Variants in TMEM132D observed in about 807,000 individuals in gnomAD.
TMEM132D encodes the protein transmembrane protein 132D.
TMEM132D carries 21 observed loss-of-function variants against 62.3 expected under a neutral mutation model. That is an observed-to-expected ratio of 0.34 (90% CI 0.24 to 0.49). The LOEUF is 0.49. TMEM132D is among the 20% of genes least tolerant of loss of function. TMEM132D has a pLI of 0.99. For synonymous variants in TMEM132D, 621 were observed against 575.6 expected, an observed-to-expected ratio of 1.08 and a Z score of -1.13; for missense variants, 1,346 against 1,402.8, an observed-to-expected ratio of 0.96 and a Z score of 0.65.
intron 1 of TMEM132D, among the ~76,000 whole-genome samples, chr12:129,832,018 T>C (rs71466416): frequency 0.18 from 24,701 of 140,368 alleles, 2,307 homozygotes; most frequent in South Asian, 0.29. Flanking sequence ...GACAGGCACC[T>C]GCCACCATGC....
chr12:129,846,790 A>AT (rs1183635783), intron 1 of TMEM132D, among the ~76,000 whole-genome samples: 1 of 152,172 alleles, frequency 6.6e-6, no homozygotes, highest in Non-Finnish European at 1.5e-5. Context: ...CAGTTCTAGA[A>AT]TTTTTATTTG....
intron 1 of TMEM132D, among the ~76,000 whole-genome samples, chr12:129,803,017 A>T (rs1025679689): frequency 1.3e-5 from 2 of 151,042 alleles, no homozygotes; most frequent in African/African-American, 4.9e-5. Flanking sequence ...CACCCAATAC[A>T]GGAGCACCCA....
At chr12:129,703,974 T>G (rs1416222112) in intron 1 of TMEM132D, among the ~76,000 whole-genome samples, 1 of 149,860 alleles carries the variant, frequency 6.7e-6, no homozygotes, top group African/African-American at 2.4e-5. Context: ...ACAATCTGCA[T>G]GCCATAGACT....
chr12:129,654,108 T>C (rs188813193), intron 2 of TMEM132D, among the ~76,000 whole-genome samples: 193 of 152,334 alleles, frequency 1.3e-3, no homozygotes, highest in African/African-American at 4.3e-3. Flanking sequence ...ACTGAGGTTA[T>C]TCATCTTTGG....
chr12:129,337,959 G>A (rs1301699782), intron 3 of TMEM132D, 142 bp from the exon 4 acceptor site: 1 of 832,312 alleles, frequency 1.2e-6, no homozygotes, highest in African/African-American at 1.7e-5. Flanking sequence ...AGAGCATTCA[G>A]AGATGCCATT....
rs1194106596 is a variant in TMEM132D at position 129,394,620 on chromosome 12, T to A, written c.1116-56803A>T. Among the ~76,000 whole-genome samples the A allele has an allele frequency of 4.6e-5, 7 of 152,300 alleles. No homozygotes were observed. In the East Asian group the frequency reaches 5.8e-4, roughly 13 times the overall value. The stretch of plus-strand genomic sequence containing the variant: ...GTGAGGAGGACTGTGAGAAGCAGGG[T>A]CTAGCCGCGTAGACGCTGGGTGGCG... On this transcript the variant is annotated intron_variant, in intron 3 of 8. Coordinates refer to ENST00000422113, the MANE Select transcript of TMEM132D (RefSeq NM_133448.3).
intron 1 of TMEM132D, among the ~76,000 whole-genome samples, chr12:129,824,554 C>T (rs911983813): frequency 2.0e-5 from 3 of 152,136 alleles, no homozygotes; most frequent in South Asian, 4.1e-4. Flanking sequence ...TGGGGGCCCC[C>T]GGGATGGGAC....
intron 2 of TMEM132D, among the ~76,000 whole-genome samples, chr12:129,652,653 T>C (rs1879961029): frequency 6.6e-6 from 1 of 152,200 alleles, no homozygotes; most frequent in Admixed American, 6.5e-5. Context: ...GTGGCAAGAA[T>C]GCAAACTCTT....
intron 1 of TMEM132D, among the ~76,000 whole-genome samples, chr12:129,822,269 G>A (rs1872558914): frequency 6.6e-6 from 1 of 152,116 alleles, no homozygotes; most frequent in African/African-American, 2.4e-5. Context: ...GGGTCCTGAA[G>A]ACCACCCTCA....
intron 2 of TMEM132D, among the ~76,000 whole-genome samples, chr12:129,665,357 T>C (rs1353549863): frequency 6.6e-6 from 1 of 152,188 alleles, no homozygotes. Context: ...CAATGGAATT[T>C]GCAATTTTCA....
intron 3 of TMEM132D, among the ~76,000 whole-genome samples, chr12:129,438,036 C>T (rs1202072147): frequency 6.6e-6 from 1 of 152,016 alleles, no homozygotes; most frequent in Non-Finnish European, 1.5e-5. Flanking sequence ...GATGGTTTCC[C>T]CTTCATCCAT....
At chr12:129,895,534 A>G (rs1018878199) in intron 1 of TMEM132D, among the ~76,000 whole-genome samples, 5 of 152,186 alleles carry the variant, frequency 3.3e-5, no homozygotes, top group African/African-American at 1.2e-4. Context: ...CCTCGGGCCA[A>G]TTGGGCTTCC....
chr12:129,858,951 G>T (rs1331530391), intron 1 of TMEM132D, among the ~76,000 whole-genome samples: 1 of 123,110 alleles, frequency 8.1e-6, no homozygotes, highest in Non-Finnish European at 1.7e-5. Flanking sequence ...AACGGGATGG[G>T]TGCCCTTGGA....
At chr12:129,156,288 C>G (rs1477299724) in intron 5 of TMEM132D, among the ~76,000 whole-genome samples, 1 of 151,750 alleles carries the variant, frequency 6.6e-6, no homozygotes, top group East Asian at 1.9e-4. Flanking sequence ...GTAACTAACT[C>G]AGTCCTGTGA....
intron 1 of TMEM132D, among the ~76,000 whole-genome samples, chr12:129,809,717 CTAA>C (rs1478139741): frequency 6.6e-6 from 1 of 151,716 alleles, no homozygotes; most frequent in African/African-American, 2.4e-5. Flanking sequence ...TTTAAAAAGT[CTAA>C]TAATAAAAAA....
intron 2 of TMEM132D, among the ~76,000 whole-genome samples, chr12:129,580,760 ACTGT>A (rs1565911123): frequency 6.6e-6 from 1 of 151,980 alleles, no homozygotes; most frequent in East Asian, 1.9e-4. Context: ...TAAATAAATC[ACTGT>A]CTGTTCTGAC....
chr12:129,669,733 TAAATAAAC>T (rs55911054), intron 2 of TMEM132D, among the ~76,000 whole-genome samples: 113,382 of 149,716 alleles, frequency 0.76, 43,393 homozygotes, highest in East Asian at 0.85. Context: ...AATAAATAAA[TAAATAAAC>T]AAACAAACAA....
At chr12:129,657,369 G>A (rs140638224) in intron 2 of TMEM132D, among the ~76,000 whole-genome samples, 93 of 151,870 alleles carry the variant, frequency 6.1e-4, no homozygotes, top group Non-Finnish European at 8.5e-4. Flanking sequence ...ACCGTCAACT[G>A]GTTAAGTCAG....
At chr12:129,245,737 C>A (rs544999038) in intron 4 of TMEM132D, among the ~76,000 whole-genome samples, 1 of 151,908 alleles carries the variant, frequency 6.6e-6, no homozygotes, top group East Asian at 1.9e-4. Context: ...GGAAATCAGA[C>A]GGTAGAGAAA....
Sources: gnomAD v4.1 joint callset for allele counts (sites outside exome capture counted in the v4.1 genomes callset) on GRCh38, gnomAD v4.1.1 for gene constraint, MANE v1.5 for transcripts, NCBI Gene and HGNC (gene_info 2026-07-23, HGNC 2026-07-21) for gene names.